TPST1: variants seen among roughly 807,000 people sequenced by gnomAD.
TPST1 encodes the protein tyrosylprotein sulfotransferase 1.
Under a neutral mutation model 34.8 loss-of-function variants are expected in TPST1, and 20 were observed. The observed-to-expected ratio is 0.57, with a 90% CI of 0.40 to 0.84. The LOEUF is 0.84. TPST1 is among the 40% of genes least tolerant of loss of function. TPST1 has a pLI of 0.00. For synonymous variants in TPST1, 152 were observed against 159.4 expected (o/e 0.95, Z 0.35); for missense variants, 353 against 455.5 (o/e 0.78, Z 2.05).
At chr7:66,330,305 C>G (rs1430377380) in intron 3 of TPST1, among the ~76,000 whole-genome samples, 1 of 152,162 alleles carries the variant, frequency 6.6e-6, no homozygotes, top group African/African-American at 2.4e-5. Context: ...AGAAGGGGCT[C>G]TGAAGATGGG....
intron 1 of TPST1, among the ~76,000 whole-genome samples, chr7:66,218,380 A>T (rs755621794): frequency 1.3e-5 from 2 of 152,228 alleles, no homozygotes; most frequent in African/African-American, 4.8e-5. Context: ...ATGATAAATC[A>T]TACTCATTTA....
chr7:66,284,496 TAG>T (rs1027935866), intron 2 of TPST1, among the ~76,000 whole-genome samples: 1 of 151,482 alleles, frequency 6.6e-6, no homozygotes, highest in African/African-American at 2.4e-5. Context: ...TAATTAATCA[TAG>T]ACTCCTTTCT....
intron 3 of TPST1, among the ~76,000 whole-genome samples, chr7:66,328,893 T>TAC (rs1791933399): frequency 2.0e-5 from 1 of 50,750 alleles, no homozygotes; most frequent in African/African-American, 9.8e-5. Context: ...TCTCTATATA[T>TAC]ATATATATAT....
At position 66,356,871 on chromosome 7, in the gene TPST1, G is replaced by A; in HGVS notation, c.*29G>A. 6.2e-7 allele frequency: 1 copy of A among 1,614,114 alleles called. No homozygotes were observed. The highest frequency in any genetic ancestry group is 8.5e-7 in the Non-Finnish European group (1 of 1,179,994). ...AACCAGGAGCCTCTTCCATACATGAGGTGAGGGTTGGGGGACATTGCCAGG... is the reference window on the plus strand; with the variant it reads ...AACCAGGAGCCTCTTCCATACATGAAGTGAGGGTTGGGGGACATTGCCAGG... On this transcript the variant is annotated splice_region_variant and 3_prime_UTR_variant, in exon 5 of 6. Transcript: ENST00000304842.
At chr7:66,301,204 T>A (rs1791309521) in intron 3 of TPST1, among the ~76,000 whole-genome samples, 1 of 152,212 alleles carries the variant, frequency 6.6e-6, no homozygotes, top group African/African-American at 2.4e-5. Context: ...CTTTCCTTAA[T>A]CTTCATAAAC....
intron 1 of TPST1, among the ~76,000 whole-genome samples, chr7:66,207,469 C>T (rs1789154706): frequency 6.6e-6 from 1 of 152,158 alleles, no homozygotes. Context: ...TTGATCTCTT[C>T]CCATATTATT....
chr7:66,336,570 A>G (rs1003469713), intron 3 of TPST1, among the ~76,000 whole-genome samples: 5 of 152,200 alleles, frequency 3.3e-5, no homozygotes, highest in Admixed American at 3.3e-4. Flanking sequence ...GAGGAGCAAG[A>G]ATAAAAAAGG....
intron 3 of TPST1, among the ~76,000 whole-genome samples, chr7:66,294,119 C>T (rs1417049527): frequency 6.6e-6 from 1 of 152,168 alleles, no homozygotes; most frequent in Admixed American, 6.5e-5. Flanking sequence ...CTGTCACCAC[C>T]GTCCATCTCC....
In TPST1 at chr7:66,332,909, C is replaced by A. The variant is rs1469979835; in HGVS notation, c.1045-19596C>A. Among the ~76,000 whole-genome samples, 1 of 152,132 alleles carries A rather than the reference C, an allele frequency of 6.6e-6. No individual in the cohort carries two copies. Among genetic ancestry groups the A allele is most frequent in the Non-Finnish European group, 1.5e-5 (1 of 68,036 alleles). On this transcript the variant is annotated intron_variant, in intron 3 of 5. Coordinates refer to ENST00000304842, the MANE Select transcript of TPST1 (RefSeq NM_003596.4). The surrounding 1 kb of genome is among the most constrained non-coding windows in gnomAD (Gnocchi z 4.5). The stretch of plus-strand genomic sequence containing the variant: ...ATTCACAGGGGATCCTGGAAACAAT[C>A]CCCTGTGGATACCAAGAGATGACTG...
intron 1 of TPST1, among the ~76,000 whole-genome samples, chr7:66,215,906 G>C (rs560372016): frequency 6.6e-6 from 1 of 151,224 alleles, no homozygotes; most frequent in African/African-American, 2.4e-5. Flanking sequence ...CCAAGTAGCT[G>C]GGACTACAGG....
At chr7:66,238,801 C>A (rs547854203) in intron 1 of TPST1, among the ~76,000 whole-genome samples, 2 of 152,360 alleles carry the variant, frequency 1.3e-5, no homozygotes, top group African/African-American at 4.8e-5. Flanking sequence ...CACTTGCCTT[C>A]TGAGGATTCA....
At chr7:66,347,059 CTTTTTTTTTTTTTT>C (rs71051352) in intron 3 of TPST1, among the ~76,000 whole-genome samples, 7 of 59,960 alleles carry the variant, frequency 1.2e-4, no homozygotes, top group African/African-American at 4.6e-4. Context: ...CTTTGCTTTT[CTTTTTTTTTTTTTT>C]TTTTTTTTTT....
At chr7:66,211,955 ACT>A (rs1368164311) in intron 1 of TPST1, among the ~76,000 whole-genome samples, 2 of 152,072 alleles carry the variant, frequency 1.3e-5, no homozygotes, top group Non-Finnish European at 1.5e-5. Flanking sequence ...ACAGAGCAAG[ACT>A]CTGCCTCAAA....
intron 4 of TPST1, among the ~76,000 whole-genome samples, chr7:66,353,465 T>C (rs1019359078): frequency 1.3e-5 from 2 of 152,094 alleles, no homozygotes; most frequent in Non-Finnish European, 2.9e-5. Context: ...TGAGACCCTG[T>C]CTCAAAAATA....
chr7:66,299,381 C>T (rs1201022603), intron 3 of TPST1, among the ~76,000 whole-genome samples: 1 of 143,550 alleles, frequency 7.0e-6, no homozygotes, highest in Non-Finnish European at 1.5e-5. Flanking sequence ...GAGTTCTAGG[C>T]TATTGGTCGT....
At chr7:66,329,180 T>C (rs1303068925) in intron 3 of TPST1, among the ~76,000 whole-genome samples, 1 of 151,814 alleles carries the variant, frequency 6.6e-6, no homozygotes, top group Non-Finnish European at 1.5e-5. Flanking sequence ...ATCCTGAAAT[T>C]CTGGGATTAT....
At chr7:66,293,874 C>T (rs1451970911) in intron 3 of TPST1, among the ~76,000 whole-genome samples, 1 of 152,168 alleles carries the variant, frequency 6.6e-6, no homozygotes, top group African/African-American at 2.4e-5. Context: ...ATTAAAGTGA[C>T]ATTACAGTTT....
intron 1 of TPST1, among the ~76,000 whole-genome samples, chr7:66,216,858 C>T (rs1228734188): frequency 1.3e-5 from 2 of 152,232 alleles, no homozygotes; most frequent in African/African-American, 4.8e-5. Flanking sequence ...TATAAATTCC[C>T]TCATAGCACT....
chr7:66,333,946 A>G lies in TPST1; in HGVS notation c.1045-18559A>G, dbSNP rs1792043697. Among the ~76,000 whole-genome samples, 4 of 152,204 alleles carry G rather than the reference A, an allele frequency of 2.6e-5. 1 individual carries two copies. The highest frequency in any genetic ancestry group is 9.6e-5 in the African/African-American group (4 of 41,456). Reference sequence around the variant, plus strand: ...ATCAAAACATAATATACGAATATGGAAAGCTAATATAAAAATGGTAAGGGA... The same window carrying G: ...ATCAAAACATAATATACGAATATGGGAAGCTAATATAAAAATGGTAAGGGA... On this transcript the variant is annotated intron_variant, in intron 3 of 5. Transcript: ENST00000304842.
Sources: gnomAD v4.1 joint callset for allele counts (sites outside exome capture counted in the v4.1 genomes callset) on GRCh38, gnomAD v4.1.1 for gene constraint, Gnocchi (gnomAD v3.1) non-coding constraint, MANE v1.5 for transcripts, NCBI Gene and HGNC (gene_info 2026-07-23, HGNC 2026-07-21) for gene names.